Variants in FMN2 observed in about 807,000 individuals in gnomAD.
FMN2 encodes formin 2.
In FMN2, 51 loss-of-function variants were observed where a neutral mutation model predicts 142.3. That is an observed-to-expected ratio of 0.36 (90% CI 0.29 to 0.45). The LOEUF (loss-of-function observed/expected upper bound fraction) is 0.45, where lower values mean the gene tolerates loss of function less well. Ranked by LOEUF, FMN2 falls within the 20% of genes least tolerant of loss-of-function variation. The pLI is 1.00. For missense variants in FMN2, 1,936 were observed against 2,122.8 expected (o/e 0.91, Z 1.73); for synonymous variants, 882 against 869.8 (o/e 1.01, Z -0.25).
intron 2 of FMN2, among the ~76,000 whole-genome samples, chr1:240,137,941 T>G (rs1663016085): frequency 6.6e-6 from 1 of 151,504 alleles, no homozygotes; most frequent in Non-Finnish European, 1.5e-5. Context: ...AATACAAAAA[T>G]TAGCCGGGTG....
chr1:240,218,023 G>T (rs1161919306), intron 6 of FMN2, among the ~76,000 whole-genome samples: 1 of 152,020 alleles, frequency 6.6e-6, no homozygotes, highest in African/African-American at 2.4e-5. Context: ...AGTGGCTCAC[G>T]CCTGTAATCC....
intron 13 of FMN2, among the ~76,000 whole-genome samples, chr1:240,339,423 A>T (rs1339548091): frequency 6.6e-6 from 1 of 152,168 alleles, no homozygotes; most frequent in Non-Finnish European, 1.5e-5. Flanking sequence ...CATAGTATAT[A>T]TAGGTTTCAG....
At chr1:240,149,251 TAAG>T (rs1663661128) in intron 2 of FMN2, among the ~76,000 whole-genome samples, 1 of 152,180 alleles carries the variant, frequency 6.6e-6, no homozygotes, top group Admixed American at 6.6e-5. Context: ...TATTCTATAT[TAAG>T]AAGTTATTAT....
intron 4 of FMN2, among the ~76,000 whole-genome samples, chr1:240,203,176 A>T (rs1666192681): frequency 2.0e-5 from 3 of 152,148 alleles, no homozygotes; most frequent in Admixed American, 2.0e-4. Flanking sequence ...ATCATCATAC[A>T]ATTGGAGAAT....
rs185587605 is a variant in FMN2, at chr1:240,473,578, G to A, written c.5143-550G>A. Among the ~76,000 whole-genome samples the A allele has an allele frequency of 2.0e-3, 300 of 152,222 alleles. 2 individuals carry two copies. The highest frequency in any genetic ancestry group is 7.0e-3 in the African/African-American group (289 of 41,562). On this transcript the variant is annotated intron_variant, in intron 17 of 17. Coordinates refer to ENST00000319653, the MANE Select transcript of FMN2 (RefSeq NM_020066.5). The surrounding 1 kb of genome is among the most constrained non-coding windows in gnomAD (Gnocchi z 4.3). ...AGCCCTGTTTTTTTTTAAAAAGTTA[G>A]GAATTATATCTTCATTTAGAAGCAG... is the stretch of plus-strand genomic sequence containing the variant.
intron 13 of FMN2, among the ~76,000 whole-genome samples, chr1:240,334,934 T>C (rs1553364860): frequency 6.6e-6 from 1 of 152,138 alleles, no homozygotes; most frequent in Non-Finnish European, 1.5e-5. Flanking sequence ...TTACCCGAGC[T>C]TTTGATTTGA....
At chr1:240,445,018 A>G (rs1230379437) in intron 16 of FMN2, among the ~76,000 whole-genome samples, 1 of 152,204 alleles carries the variant, frequency 6.6e-6, no homozygotes, top group African/African-American at 2.4e-5. Flanking sequence ...TCAGGCATCA[A>G]TTTTTAGAAA....
chr1:240,306,662 A>G (rs1298405850), intron 8 of FMN2, among the ~76,000 whole-genome samples: 1 of 152,160 alleles, frequency 6.6e-6, no homozygotes, highest in Admixed American at 6.5e-5. Context: ...ATGGACATCT[A>G]GGTTTATTCC....
At chr1:240,288,018 G>A (rs1669650244) in intron 7 of FMN2, among the ~76,000 whole-genome samples, 1 of 152,198 alleles carries the variant, frequency 6.6e-6, no homozygotes, top group African/African-American at 2.4e-5. Context: ...TTTATGAAAG[G>A]ACAATCAGAG....
intron 2 of FMN2, among the ~76,000 whole-genome samples, chr1:240,134,387 G>C (rs1444464714): frequency 6.6e-6 from 1 of 152,172 alleles, no homozygotes; most frequent in African/African-American, 2.4e-5. Context: ...GGATTGGGAA[G>C]CTGAGGCAGG....
intron 15 of FMN2, among the ~76,000 whole-genome samples, chr1:240,428,768 G>GT (rs1184077953): frequency 6.6e-6 from 1 of 152,118 alleles, no homozygotes; most frequent in Non-Finnish European, 1.5e-5. Context: ...TAAATCTACT[G>GT]TATTAATTTA....
chr1:240,314,474 T>C (rs1670700732), intron 8 of FMN2, among the ~76,000 whole-genome samples: 1 of 152,134 alleles, frequency 6.6e-6, no homozygotes, highest in African/African-American at 2.4e-5. Context: ...GAAAAAATAG[T>C]CCAAATTTCT....
intron 7 of FMN2, among the ~76,000 whole-genome samples, chr1:240,266,617 G>A (rs1306265144): frequency 1.3e-5 from 2 of 152,088 alleles, no homozygotes; most frequent in Non-Finnish European, 2.9e-5. Context: ...CACCATTGAT[G>A]CACACCTAGG....
Position 240,154,129 on chromosome 1 carries a change from A to AAAAAAAAG in FMN2, c.1783-23790_1783-23789insAAAAAGAA, listed in dbSNP as rs3047192. Reference sequence around the variant, plus strand: ...CATCAAAAAAAAAAAAAAAAAAAAAAAAGTGTTACTACCTACAAGGCCTAC... The same window carrying AAAAAAAAG: ...CATCAAAAAAAAAAAAAAAAAAAAAAAAAAAAAGAAGTGTTACTACCTACAAGGCCTAC... On this transcript the variant is annotated intron_variant, in intron 2 of 17. Transcript: ENST00000319653. Among the ~76,000 whole-genome samples the AAAAAAAAG allele has an allele frequency of 2.2e-3, 224 of 102,144 alleles. 15 individuals are homozygous for AAAAAAAAG. The highest frequency in any genetic ancestry group is 2.6e-3 in the Non-Finnish European group (134 of 51,138). The allele number at this position is 102,144 out of a possible 152,430, so 67.0% of individuals were successfully genotyped here.
chr1:240,216,731 C>T (rs899382518), intron 6 of FMN2, among the ~76,000 whole-genome samples: 7 of 151,912 alleles, frequency 4.6e-5, no homozygotes, highest in Admixed American at 4.6e-4. Context: ...TAAAAATGTT[C>T]GAGGTCAGGA....
intron 2 of FMN2, among the ~76,000 whole-genome samples, chr1:240,156,528 G>A (rs111789241): frequency 2.0e-5 from 3 of 152,244 alleles, no homozygotes; most frequent in African/African-American, 7.2e-5. Context: ...TTCCAGTAAC[G>A]CTGTGAAGGG....
chr1:240,465,624 G>A (rs190015299), intron 16 of FMN2, among the ~76,000 whole-genome samples: 10 of 152,182 alleles, frequency 6.6e-5, no homozygotes, highest in East Asian at 1.9e-4. Flanking sequence ...TTCCATAGGC[G>A]AACAGGGCTA....
intron 16 of FMN2, among the ~76,000 whole-genome samples, chr1:240,468,832 C>T (rs759459351): frequency 3.3e-5 from 5 of 152,124 alleles, no homozygotes; most frequent in African/African-American, 9.7e-5. Flanking sequence ...GTAGGAAGAT[C>T]GAATGTTGGC....
intron 15 of FMN2, among the ~76,000 whole-genome samples, chr1:240,413,597 T>C (rs1264345824): frequency 1.3e-5 from 2 of 151,928 alleles, no homozygotes; most frequent in African/African-American, 2.4e-5. Context: ...AGAATATGAG[T>C]ACACACAGTT....
Sources: allele counts gnomAD v4.1 joint callset (sites outside exome capture counted in the v4.1 genomes callset), GRCh38; gene constraint gnomAD v4.1.1; non-coding constraint Gnocchi (gnomAD v3.1); transcripts MANE v1.5; gene names NCBI Gene and HGNC (gene_info 2026-07-23, HGNC 2026-07-21).